Variants in SPOCK3 observed in about 807,000 individuals in gnomAD.
The protein encoded by SPOCK3 is SPARC (osteonectin), cwcv and kazal like domains proteoglycan 3, also known as testican-3.
A neutral mutation model predicts 56.6 loss-of-function variants in SPOCK3; 30 were observed. The observed-to-expected ratio is 0.53, with a 90% CI of 0.40 to 0.72. SPOCK3 has a LOEUF of 0.72. Among genes scored for constraint, SPOCK3 ranks in the 30% least tolerant of loss-of-function variants. The pLI is 0.00. For missense variants in SPOCK3, 527 were observed against 530.0 expected (o/e 0.99, Z 0.06); for synonymous variants, 196 against 183.3 (o/e 1.07, Z -0.56).
chr4:167,062,569 T>A, intron 2 of SPOCK3, 32 bp from the exon 3 acceptor site: 1 of 1,535,422 alleles, frequency 6.5e-7, no homozygotes, highest in Non-Finnish European at 8.9e-7. Flanking sequence ...ATTGAGTGTA[T>A]ACAAGTAATT....
intron 3 of SPOCK3, among the ~76,000 whole-genome samples, chr4:167,059,921 A>G (rs1172716736): frequency 6.6e-6 from 1 of 151,746 alleles, no homozygotes; most frequent in Non-Finnish European, 1.5e-5. Context: ...CAAACACCGC[A>G]TATTCTCACT....
intron 6 of SPOCK3, chr4:166,882,789 T>G (rs1017242028): frequency 3.3e-5 from 5 of 152,200 alleles, no homozygotes; most frequent in African/African-American, 1.2e-4. Context: ...AGAGAAGACA[T>G]TGAAAACTCC....
intron 2 of SPOCK3, among the ~76,000 whole-genome samples, chr4:167,092,894 C>T (rs1442524195): frequency 6.6e-6 from 1 of 152,118 alleles, no homozygotes; most frequent in Non-Finnish European, 1.5e-5. Context: ...ACTTTTTATA[C>T]TTCCTATAAT....
Position 166,792,297 on chromosome 4 carries a change from CAG to C in SPOCK3, c.590-10_590-9del. The stretch of plus-strand genomic sequence containing the variant: ...ACTCCAGGTCACTGCATGCTAAAAA[CAG>C]AGAAACAACACAAGTCTTGAATAAT... On this transcript the variant is annotated splice_polypyrimidine_tract_variant and intron_variant, in intron 6 of 10. Coordinates refer to ENST00000357545, the MANE Select transcript of SPOCK3 (RefSeq NM_001040159.2). The C allele has an allele frequency of 1.9e-6, 3 of 1,613,562 alleles. No individual in the cohort carries two copies. The highest frequency in any genetic ancestry group is 2.5e-6 in the Non-Finnish European group (3 of 1,179,606).
At chr4:166,942,206 G>T (rs1250984897) in intron 4 of SPOCK3, among the ~76,000 whole-genome samples, 2 of 151,714 alleles carry the variant, frequency 1.3e-5, no homozygotes, top group Non-Finnish European at 2.9e-5. Flanking sequence ...TCCATTTCTT[G>T]ATTTTTTAAT....
chr4:167,037,916 T>G (rs1171561211), intron 3 of SPOCK3, among the ~76,000 whole-genome samples: 2 of 152,226 alleles, frequency 1.3e-5, no homozygotes, highest in Admixed American at 1.3e-4. Flanking sequence ...TTGTTGTTAC[T>G]TTTGTTTTTG....
chr4:166,820,043 T>C (rs1008176185), intron 6 of SPOCK3, among the ~76,000 whole-genome samples: 3 of 152,050 alleles, frequency 2.0e-5, no homozygotes, highest in East Asian at 3.9e-4. Context: ...ATTTTTAAGA[T>C]GATGATTCTC....
chr4:166,752,546 A>ATG lies in SPOCK3; in HGVS notation c.931+1960_931+1961dup, dbSNP rs1560820644. On this transcript the variant is annotated intron_variant, in intron 8 of 10. Transcript: ENST00000357545. ...TAGCAGCTATATATAGAGTAGCTATATGTGTGTATATATATATATATATAT... is the reference window on the plus strand; with the variant it reads ...TAGCAGCTATATATAGAGTAGCTATATGTGTGTGTATATATATATATATATAT... Among the ~76,000 whole-genome samples, 96 of 63,538 alleles carry ATG rather than the reference A, an allele frequency of 1.5e-3. 1 individual carries two copies. Among genetic ancestry groups the ATG allele is most frequent in the African/African-American group, 5.0e-3 (93 of 18,772 alleles). 41.7% of individuals were successfully genotyped at this position (63,538 alleles called of 152,430 possible).
intron 4 of SPOCK3, among the ~76,000 whole-genome samples, chr4:166,945,729 T>C (rs1403678155): frequency 6.6e-6 from 1 of 152,214 alleles, no homozygotes; most frequent in Non-Finnish European, 1.5e-5. Context: ...ATGGGCATAG[T>C]TGACATCTCA....
intron 2 of SPOCK3, among the ~76,000 whole-genome samples, chr4:167,206,020 T>C (rs1734293273): frequency 6.6e-6 from 1 of 152,128 alleles, no homozygotes; most frequent in Non-Finnish European, 1.5e-5. Flanking sequence ...TGTAACTACC[T>C]GTACATTCCT....
chr4:167,024,710 G>T (rs1282089657), intron 3 of SPOCK3, among the ~76,000 whole-genome samples: 2 of 152,004 alleles, frequency 1.3e-5, no homozygotes, highest in Non-Finnish European at 2.9e-5. Context: ...AAGGGTGGGA[G>T]GTGGGCAAGG....
chr4:167,160,696 T>C (rs1261656336), intron 2 of SPOCK3, among the ~76,000 whole-genome samples: 2 of 152,060 alleles, frequency 1.3e-5, no homozygotes, highest in Non-Finnish European at 2.9e-5. Flanking sequence ...AGCAGAGATA[T>C]AGACCAATGG....
Position 167,190,873 on chromosome 4 carries a change from C to A in SPOCK3, c.189+43112G>T, listed in dbSNP as rs552844938. On this transcript the variant is annotated intron_variant, in intron 2 of 10. Coordinates refer to ENST00000357545, the MANE Select transcript of SPOCK3 (RefSeq NM_001040159.2). ...ACTACCATTTATAGTAGAGAATATC[C>A]AATATCCTTTTCTCATTTTGTATTC... Among the ~76,000 whole-genome samples the A allele has an allele frequency of 1.7e-4, 25 of 145,650 alleles. 1 individual carries two copies. Among genetic ancestry groups the A allele is most frequent in the Non-Finnish European group, 3.2e-4 (21 of 66,648 alleles).
At chr4:166,809,506 A>G (rs577439123) in intron 6 of SPOCK3, among the ~76,000 whole-genome samples, 19 of 152,086 alleles carry the variant, frequency 1.2e-4, no homozygotes, top group Non-Finnish European at 2.6e-4. Context: ...TCTGATACAT[A>G]TTTATGTTCA....
chr4:167,094,809 A>G (rs1464227412), intron 2 of SPOCK3, among the ~76,000 whole-genome samples: 2 of 152,162 alleles, frequency 1.3e-5, no homozygotes, highest in African/African-American at 4.8e-5. Context: ...AAAATAATGT[A>G]TTATTCGGGG....
intron 8 of SPOCK3, among the ~76,000 whole-genome samples, chr4:166,748,124 G>A (rs1231048378): frequency 8.0e-5 from 12 of 149,174 alleles, no homozygotes; most frequent in African/African-American, 2.8e-4. Context: ...TCATAGAATT[G>A]GAAAAAACTA....
At chr4:166,749,543 G>A (rs1736099399) in intron 8 of SPOCK3, among the ~76,000 whole-genome samples, 3 of 151,780 alleles carry the variant, frequency 2.0e-5, no homozygotes, top group Non-Finnish European at 2.9e-5. Context: ...TGTAAATGAC[G>A]AGTTTATGGG....
intron 7 of SPOCK3, among the ~76,000 whole-genome samples, chr4:166,780,041 G>C (rs1560849204): frequency 6.6e-6 from 1 of 152,098 alleles, no homozygotes; most frequent in Non-Finnish European, 1.5e-5. Context: ...GGACTCACTG[G>C]TTTCACCTAG....
intron 8 of SPOCK3, among the ~76,000 whole-genome samples, chr4:166,745,067 C>T (rs191526186): frequency 3.2e-4 from 48 of 152,194 alleles, no homozygotes; most frequent in Non-Finnish European, 4.0e-4. Context: ...ACACTCTGCA[C>T]GATATTAACC....
Sources: gnomAD v4.1 joint callset for allele counts (sites outside exome capture counted in the v4.1 genomes callset) on GRCh38, gnomAD v4.1.1 for gene constraint, MANE v1.5 for transcripts, NCBI Gene and HGNC (gene_info 2026-07-23, HGNC 2026-07-21) for gene names.